Variants in CLUH observed in about 807,000 individuals in gnomAD.
CLUH encodes CLUH binding protein of NUMT mRNA, also known as clustered mitochondria protein homolog.
A neutral mutation model predicts 139.3 loss-of-function variants in CLUH; 77 were observed. The ratio of observed to expected loss-of-function variants is 0.55; its 90% CI spans 0.46 to 0.67. CLUH has a LOEUF of 0.67. CLUH is among the 30% of genes least tolerant of loss of function. The pLI is 0.00. For synonymous variants in CLUH, 999 were observed against 801.6 expected (o/e 1.25, Z -4.16); for missense variants, 1,876 against 1,875.8 (o/e 1.00, Z 0.00).
chr17:2,710,513 G>A (rs1412140014), intron 1 of CLUH, among the ~76,000 whole-genome samples: 1 of 152,216 alleles, frequency 6.6e-6, no homozygotes, highest in Non-Finnish European at 1.5e-5. Flanking sequence ...CCCAACTGAG[G>A]ACAGTCGACG....
At position 2,707,607 on chromosome 17, in the gene CLUH, G is replaced by A. The variant is rs939220076; in HGVS notation, c.101-3043C>T. ...GGTACCTGGACCCCTCAAGATTGAG[G>A]GCCTAGGAGACTGGCTGGCAGGGGC... On this transcript the variant is annotated intron_variant, in intron 1 of 25. Transcript: ENST00000651024. The surrounding 1 kb of genome is among the most constrained non-coding windows in gnomAD (Gnocchi z 7.4). 1.0e-6 allele frequency: 1 copy of A among 985,384 alleles called. No individual in the cohort carries two copies. Among genetic ancestry groups the A allele is most frequent in the African/African-American group, 1.7e-5 (1 of 57,332 alleles). The allele number at this position is 985,384 out of a possible 1,614,324, so 61.0% of individuals were successfully genotyped here.
At position 2,700,798 on chromosome 17, in the gene CLUH, G is replaced by A. The variant is rs779120595; in HGVS notation, c.1053C>T (p.Ile351=). The change falls in exon 8 of 26, where the codon ATC becomes ATT. Residue 351 remains isoleucine, a synonymous_variant. Transcript: ENST00000651024. The part of the protein sequence containing the change: ...KRVQRHPFER[I]ATPFQVYSWT... Reference sequence around the variant, plus strand: ...AGCTGTACACCTGGAATGGGGTGGCGATCCTCTCGAACGGGTGGCGCTGGA... The same window carrying A: ...AGCTGTACACCTGGAATGGGGTGGCAATCCTCTCGAACGGGTGGCGCTGGA... 1.5e-5 allele frequency: 23 copies of A among 1,529,084 alleles called. No homozygotes were observed. In the South Asian group the frequency reaches 1.8e-4, roughly 12 times the overall value. The allele number at this position is 1,529,084 out of a possible 1,614,324, so 94.7% of individuals were successfully genotyped here.
At chr17:2,697,694 C>T (rs1460081519) in intron 10 of CLUH, among the ~76,000 whole-genome samples, 2 of 152,200 alleles carry the variant, frequency 1.3e-5, no homozygotes, top group South Asian at 2.1e-4. Flanking sequence ...CCTGGCTGCT[C>T]GCGAGTCTGC....
At chr17:2,710,320 C>G (rs919509104) in intron 1 of CLUH, among the ~76,000 whole-genome samples, 3 of 152,246 alleles carry the variant, frequency 2.0e-5, no homozygotes, top group African/African-American at 7.2e-5. Flanking sequence ...TCTGCCCAAA[C>G]CTTGGCCTTG....
chr17:2,696,255 A>G lies in CLUH; in HGVS notation c.2295T>C (p.Val765=). ...CATCCTGGCAGGACTCAGGGAAACG[A>G]ACCCCTGGAGGAGGGAGAGCAGAGA... The part of the protein sequence containing the change: ...RFNPDIFSPG[V]RFPESCQDEV... Residue 765 remains valine (V), a synonymous_variant, in exon 13 of 26, where the codon GTT becomes GTC. Coordinates refer to ENST00000651024, the MANE Select transcript of CLUH (RefSeq NM_001366661.1). 1 of 1,571,672 alleles carries G rather than the reference A, an allele frequency of 6.4e-7. No homozygotes were observed.
At position 2,698,399 on chromosome 17, in the gene CLUH, C is replaced by T. The variant is rs776067502; in HGVS notation, c.1458G>A (p.Ala486=). The change falls in exon 10 of 26, where the codon GCG becomes GCA. Residue 486 remains alanine, a synonymous_variant. Coordinates refer to ENST00000651024, the MANE Select transcript of CLUH (RefSeq NM_001366661.1). The stretch of plus-strand genomic sequence containing the variant: ...GGACGCCATTCAGGTCGTTGGTGGG[C>T]GCCACGTAGGCCGCCACGTCCCCCC... ...DFGGDVAAYV[A]PTNDLNGVRT... is the part of the protein sequence containing the mutation. 14 of 1,613,098 alleles carry T rather than the reference C, an allele frequency of 8.7e-6. No individual in the cohort carries two copies. In the Admixed American group the frequency reaches 1.8e-4, roughly 21 times the overall value.
At chr17:2,691,442 A>G (rs1353238363) in intron 25 of CLUH, 167 bp downstream of exon 25, 6 of 671,688 alleles carry the variant, frequency 8.9e-6, no homozygotes, top group Admixed American at 4.8e-5. Flanking sequence ...GACACCTGTA[A>G]TCCCAGCTAC....
rs1162254434 is a variant in CLUH at position 2,703,813 on chromosome 17, G to A, written c.304-324C>T. Among the ~76,000 whole-genome samples, 2 of 152,096 alleles carry A rather than the reference G, an allele frequency of 1.3e-5. No homozygotes were observed. The highest frequency in any genetic ancestry group is 4.8e-5 in the African/African-American group (2 of 41,396). ...ATGAAGAACAGCGGGACAGAAGACG[G>A]CAGGCTCGCCCCCGGCCTTGCCCAG... On this transcript the variant is annotated intron_variant, in intron 2 of 25. Coordinates refer to ENST00000651024, the MANE Select transcript of CLUH (RefSeq NM_001366661.1). The surrounding 1 kb of genome is among the most constrained non-coding windows in gnomAD (Gnocchi z 4.2).
chr17:2,710,452 C>A (rs1053068413), intron 1 of CLUH, among the ~76,000 whole-genome samples: 4 of 152,206 alleles, frequency 2.6e-5, no homozygotes, highest in African/African-American at 7.2e-5. Flanking sequence ...TCAGCCCTGG[C>A]GCACTCACTG....
intron 1 of CLUH, chr17:2,711,343 G>C (rs2070516237): frequency 6.6e-6 from 1 of 152,280 alleles, no homozygotes; most frequent in Non-Finnish European, 1.5e-5. Context: ...GGTGCCAGCC[G>C]AGGCTGCCCT....
In CLUH at chr17:2,693,881, G is replaced by A. The variant is rs2069819582; in HGVS notation, c.3231+19C>T. 3 of 1,597,836 alleles carry A rather than the reference G, an allele frequency of 1.9e-6. No homozygotes were observed. Among genetic ancestry groups the A allele is most frequent in the African/African-American group, 1.3e-5 (1 of 74,488 alleles). On this transcript the variant is annotated intron_variant, in intron 19 of 25. Transcript: ENST00000651024. ...CCCAACACGAGGCCAGGCCTTTGCT[G>A]CCACAGCCCAGAGGGTACCTCTGCG...
chr17:2,694,917 T>C lies in CLUH; in HGVS notation c.2792A>G (p.Gln931Arg), dbSNP rs759692447. The change falls in exon 16 of 26, where the codon CAG (glutamine) becomes CGG (arginine). Residue 931 changes from glutamine (Q) to arginine (R), a missense_variant. Physicochemically the swap from Gln to Arg is conservative, Grantham distance 43. Around this residue, in one of 3 missense-constraint regions of CLUH, gnomAD observed 1,454 missense variants for 1,384.4 expected, o/e 1.05. Transcript: ENST00000651024. ...CTGGCAGATGTTCTTCCAGAGCTCC[T>C]GGGGGGTCATGACAGCCCAGGCTGT... ...DNTAWAVMTP[Q>R]ELWKNICQEA... The C allele has an allele frequency of 3.1e-6, 5 of 1,599,296 alleles. No individual in the cohort carries two copies. The East Asian group carries it at 9.0e-5, about 29-fold the overall frequency.
rs548564305 is a variant in CLUH at position 2,702,582 on chromosome 17, TTTTCC to T, written c.476-530_476-526del. Among the ~76,000 whole-genome samples, 782 of 152,284 alleles carry T rather than the reference TTTTCC, an allele frequency of 5.1e-3. 3 individuals are homozygous for T. Among genetic ancestry groups the T allele is most frequent in the African/African-American group, 0.016 (662 of 41,558 alleles). On this transcript the variant is annotated intron_variant, in intron 3 of 25. Coordinates refer to ENST00000651024, the MANE Select transcript of CLUH (RefSeq NM_001366661.1). ...TGTGGGCGCTGTTGAGCTACAGACC[TTTTCC>T]GTCACTGCTCTCAACAGGCGGACAG...
chr17:2,701,568 T>A, intron 5 of CLUH, 45 bp downstream of exon 5: 1 of 1,611,280 alleles, frequency 6.2e-7, no homozygotes, highest in South Asian at 1.1e-5. Flanking sequence ...GTGTGGGGCC[T>A]CCACCCCGCC....
In CLUH at chr17:2,698,419, C is replaced by G; in HGVS notation, c.1438G>C (p.Asp480His). ...GTGGGCGCCACGTAGGCCGCCACGT[C>G]CCCCCCGAAGTCCTTGTAGTGGTCT... ...VRDHYKDFGG[D>H]VAAYVAPTND... The change falls in exon 10 of 26, where the codon GAC becomes CAC. Residue 480 changes from aspartate (D) to histidine (H), a missense_variant. This residue lies in a region of CLUH where 1,454 missense variants were observed against 1,384.4 expected (regional missense o/e 1.05). Coordinates refer to ENST00000651024, the MANE Select transcript of CLUH (RefSeq NM_001366661.1). 1 of 1,613,192 alleles carries G rather than the reference C, an allele frequency of 6.2e-7. No homozygotes were observed. The highest frequency in any genetic ancestry group is 8.5e-7 in the Non-Finnish European group (1 of 1,179,714).
intron 10 of CLUH, among the ~76,000 whole-genome samples, chr17:2,697,596 T>C (rs1369074857): frequency 1.3e-5 from 2 of 152,018 alleles, no homozygotes; most frequent in African/African-American, 4.8e-5. Context: ...GTGCCCCACC[T>C]GCCCGCCCCA....
rs1480150172 is a variant in CLUH, at chr17:2,696,518, C to T, written c.2206G>A (p.Val736Met). Residue 736 changes from valine (V) to methionine (M), a missense_variant, in exon 12 of 26, where the codon GTG (valine) becomes ATG (methionine). Val to Met is a conservative substitution (Grantham distance 21). Coordinates refer to ENST00000651024, the MANE Select transcript of CLUH (RefSeq NM_001366661.1). ...DGTADPRSRE[V>M]IRNACKAVGS... is the part of the protein sequence containing the mutation. ...ACCGCCTTGCACGCGTTGCGGATCA[C>T]CTCCCGGCTCCGAGGGTCTGCTGTG... is the stretch of plus-strand genomic sequence containing the variant. 10 of 1,577,238 alleles carry T rather than the reference C, an allele frequency of 6.3e-6. No homozygotes were observed. In the Admixed American group the frequency reaches 1.8e-4, roughly 29 times the overall value.
intron 12 of CLUH, 58 bp downstream of exon 12, chr17:2,696,376 C>T (rs755873335): frequency 2.4e-5 from 36 of 1,522,482 alleles, no homozygotes; most frequent in Admixed American, 3.9e-5. Context: ...GGGCCCAGGC[C>T]CCCCAGCGAA....
At chr17:2,694,825 CA>C in intron 16 of CLUH, 31 bp downstream of exon 16, 61 of 1,430,846 alleles carry the variant, frequency 4.3e-5, no homozygotes, top group East Asian at 5.0e-5. Flanking sequence ...TGCCCAATCC[CA>C]CCCACCCCAC....
Sources: gnomAD v4.1 joint callset for allele counts (sites outside exome capture counted in the v4.1 genomes callset) on GRCh38, gnomAD v4.1.1 for gene constraint, gnomAD v4.1.1 regional missense constraint, Gnocchi (gnomAD v3.1) non-coding constraint, MANE v1.5 for transcripts, NCBI Gene and HGNC (gene_info 2026-07-23, HGNC 2026-07-21) for gene names.